CTNNA2: variants seen among roughly 807,000 people sequenced by gnomAD.
The protein encoded by CTNNA2 is catenin alpha-2.
A neutral mutation model predicts 101.0 loss-of-function variants in CTNNA2; 42 were observed. That is an observed-to-expected ratio of 0.42 (90% CI 0.32 to 0.54). CTNNA2 has a LOEUF of 0.54. Among genes scored for constraint, CTNNA2 ranks in the 20% least tolerant of loss-of-function variants. CTNNA2 has a pLI of 0.14. For missense variants in CTNNA2, 871 were observed against 1,223.1 expected, an observed-to-expected ratio of 0.71 and a Z score of 4.29; for synonymous variants, 450 against 456.4, an observed-to-expected ratio of 0.99 and a Z score of 0.18.
chr2:80,494,325 C>G (rs912354432), intron 9 of CTNNA2, among the ~76,000 whole-genome samples: 2 of 152,116 alleles, frequency 1.3e-5, no homozygotes, highest in Admixed American at 6.6e-5. Context: ...ACACAGTCCA[C>G]CCCAGGAAAG....
At chr2:80,492,024 A>C (rs987141256) in intron 9 of CTNNA2, among the ~76,000 whole-genome samples, 2 of 152,118 alleles carry the variant, frequency 1.3e-5, no homozygotes, top group East Asian at 3.9e-4. Flanking sequence ...TTTGTCTGGG[A>C]ATGGAATTAG....
At chr2:79,499,141 T>C (rs1474622776) in intron 4 of CTNNA2, 1 of 152,172 alleles carries the variant, frequency 6.6e-6, no homozygotes, top group African/African-American at 2.4e-5. Flanking sequence ...GACCATCAAC[T>C]TCCTAGTTTA....
intron 4 of CTNNA2, among the ~76,000 whole-genome samples, chr2:79,446,932 A>T (rs1302352197): frequency 6.6e-6 from 1 of 152,054 alleles, no homozygotes; most frequent in Non-Finnish European, 1.5e-5. Context: ...GATTAGAGAA[A>T]ATAGCCTGTC....
intron 3 of CTNNA2, among the ~76,000 whole-genome samples, chr2:79,803,023 A>C (rs1676286063): frequency 6.6e-6 from 1 of 152,242 alleles, no homozygotes; most frequent in African/African-American, 2.4e-5. Flanking sequence ...TGTAATGAAA[A>C]AAATGCAAGC....
intron 9 of CTNNA2, among the ~76,000 whole-genome samples, chr2:80,515,506 C>A (rs561349285): frequency 6.6e-6 from 1 of 152,178 alleles, no homozygotes; most frequent in East Asian, 1.9e-4. Context: ...CTTTTTGAGA[C>A]CTCAAAGATA....
intron 9 of CTNNA2, among the ~76,000 whole-genome samples, chr2:80,531,037 A>G (rs1690492573): frequency 1.3e-5 from 2 of 152,212 alleles, no homozygotes; most frequent in Non-Finnish European, 2.9e-5. Context: ...CCATGAGGCA[A>G]TGCAGGTAAT....
At position 79,253,555 on chromosome 2, in the gene CTNNA2, C is replaced by T. The variant is rs76500698; in HGVS notation, c.-406+55479C>T. On this transcript the variant is annotated intron_variant, in intron 2 of 21. Coordinates refer to the CTNNA2 transcript ENST00000466387. The stretch of plus-strand genomic sequence containing the variant: ...TACTGTTCTGGTAGGCTGCCAGGAA[C>T]CCCAAATCGGTTCAGCAGTGTCTAG... Among the ~76,000 whole-genome samples the T allele has an allele frequency of 2.4e-3, 370 of 152,246 alleles. 1 individual carries two copies. Among genetic ancestry groups the T allele is most frequent in the Admixed American group, 7.5e-3 (114 of 15,290 alleles).
chr2:80,350,220 A>G (rs906388533), intron 7 of CTNNA2, among the ~76,000 whole-genome samples: 1 of 152,170 alleles, frequency 6.6e-6, no homozygotes, highest in African/African-American at 2.4e-5. Flanking sequence ...GAAAGTTTGG[A>G]ATCCTTGGCC....
intron 8 of CTNNA2, among the ~76,000 whole-genome samples, chr2:80,396,216 G>A (rs551225209): frequency 5.3e-5 from 8 of 152,256 alleles, no homozygotes; most frequent in African/African-American, 1.2e-4. Context: ...CATTATAAAT[G>A]GTGAAAAAGA....
chr2:80,279,412 A>G (rs1423933897), intron 7 of CTNNA2, among the ~76,000 whole-genome samples: 1 of 152,282 alleles, frequency 6.6e-6, no homozygotes, highest in South Asian at 2.1e-4. Context: ...TAGTGCTGCC[A>G]CTATGATTTT....
At chr2:80,313,563 T>C (rs372122744) in intron 7 of CTNNA2, 14 of 1,610,414 alleles carry the variant, frequency 8.7e-6, no homozygotes, top group East Asian at 4.5e-5. Context: ...ATTGACCAGA[T>C]GGATGGATGG....
At chr2:80,611,666 T>C (rs1698478548) in intron 17 of CTNNA2, among the ~76,000 whole-genome samples, 1 of 151,560 alleles carries the variant, frequency 6.6e-6, no homozygotes, top group African/African-American at 2.4e-5. Context: ...TCCATGACCT[T>C]TAATATTTTT....
intron 7 of CTNNA2, among the ~76,000 whole-genome samples, chr2:80,173,494 A>T (rs1396763908): frequency 6.6e-6 from 1 of 152,202 alleles, no homozygotes; most frequent in Non-Finnish European, 1.5e-5. Context: ...GTATAAAAAG[A>T]ACTCTAAATA....
chr2:80,606,367 AACACACACACAC>A (rs67402125), intron 16 of CTNNA2, among the ~76,000 whole-genome samples: 20 of 137,422 alleles, frequency 1.5e-4, no homozygotes, highest in Admixed American at 4.5e-4. Context: ...AAACACATCA[AACACACACACAC>A]ACACACACAC....
chr2:80,623,048 T>C (rs903401182), intron 18 of CTNNA2, among the ~76,000 whole-genome samples: 1 of 121,600 alleles, frequency 8.2e-6, no homozygotes, highest in African/African-American at 3.0e-5. Flanking sequence ...CGCTAGTTTC[T>C]AAAAAAAAAA....
rs368876553 is a variant in CTNNA2 at position 79,446,661 on chromosome 2, G to A, written c.-134-58393G>A. 4.6e-5 allele frequency among the ~76,000 whole-genome samples: 7 copies of A among 152,134 alleles called. No individual in the cohort carries two copies. In the South Asian group the frequency reaches 1.2e-3, roughly 27 times the overall value. On this transcript the variant is annotated intron_variant, in intron 4 of 21. Coordinates refer to the CTNNA2 transcript ENST00000466387. Reference sequence around the variant, plus strand: ...GCTTATGTAATATAATGTGCAATCAGCTTTCAATTCTCTAGGGATGAAAGC... The same window carrying A: ...GCTTATGTAATATAATGTGCAATCAACTTTCAATTCTCTAGGGATGAAAGC...
At chr2:79,521,960 G>A (rs1672142125) in intron 1 of CTNNA2, among the ~76,000 whole-genome samples, 1 of 152,156 alleles carries the variant, frequency 6.6e-6, no homozygotes, top group South Asian at 2.1e-4. Flanking sequence ...ATGGAGTTGG[G>A]ACAGGAAGCA....
Position 80,376,819 on chromosome 2 carries a change from G to A in CTNNA2, c.1057-16392G>A, listed in dbSNP as rs13418678. On this transcript the variant is annotated intron_variant, in intron 7 of 18. Coordinates refer to ENST00000402739, the MANE Select transcript of CTNNA2 (RefSeq NM_001282597.3). ...CCATCCCTTCCTTGATATGCCAAGT[G>A]AGGGTGACTGAAATAGAATCCACTC... Among the ~76,000 whole-genome samples, 883 of 152,270 alleles carry A rather than the reference G, an allele frequency of 5.8e-3. 5 individuals are homozygous for A. The highest frequency in any genetic ancestry group is 0.02 in the African/African-American group (829 of 41,562).
At chr2:80,498,995 A>G (rs1687669929) in intron 9 of CTNNA2, among the ~76,000 whole-genome samples, 1 of 152,222 alleles carries the variant, frequency 6.6e-6, no homozygotes, top group Non-Finnish European at 1.5e-5. Context: ...GTGTCTATCA[A>G]GCAGTAAGTA....
Sources: allele counts gnomAD v4.1 joint callset (sites outside exome capture counted in the v4.1 genomes callset), GRCh38; gene constraint gnomAD v4.1.1; transcripts MANE v1.5; gene names NCBI Gene and HGNC (gene_info 2026-07-23, HGNC 2026-07-21).